Variants in NRG3 observed in about 807,000 individuals in gnomAD.
NRG3 encodes the protein pro-neuregulin-3, membrane-bound isoform.
NRG3 carries 31 observed loss-of-function variants against 66.9 expected under a neutral mutation model. The ratio of observed to expected loss-of-function variants is 0.46; its 90% CI spans 0.35 to 0.63. The LOEUF (loss-of-function observed/expected upper bound fraction) is 0.63, where lower values mean the gene tolerates loss of function less well. Among genes scored for constraint, NRG3 ranks in the 20% least tolerant of loss-of-function variants. NRG3 has a pLI of 0.00. For missense variants in NRG3, 910 were observed against 878.9 expected (o/e 1.04, Z -0.45); for synonymous variants, 393 against 359.4 (o/e 1.09, Z -1.06).
intron 2 of NRG3, among the ~76,000 whole-genome samples, chr10:82,677,694 A>G (rs572669588): frequency 6.6e-6 from 1 of 152,278 alleles, no homozygotes; most frequent in South Asian, 2.1e-4. Context: ...AATTTGACCA[A>G]GGGGGTGTAA....
At chr10:81,974,271 C>T (rs2060035925) in intron 1 of NRG3, among the ~76,000 whole-genome samples, 1 of 152,008 alleles carries the variant, frequency 6.6e-6, no homozygotes, top group Non-Finnish European at 1.5e-5. Context: ...ATCTATGTGT[C>T]TCTTTTTTTA....
At chr10:82,002,948 T>G (rs147841613) in intron 1 of NRG3, among the ~76,000 whole-genome samples, 39 of 152,334 alleles carry the variant, frequency 2.6e-4, no homozygotes, top group Non-Finnish European at 4.9e-4. Flanking sequence ...CTAACTCACA[T>G]TTTGAAAAGA....
At chr10:82,011,771 C>G (rs2061586617) in intron 1 of NRG3, among the ~76,000 whole-genome samples, 2 of 152,290 alleles carry the variant, frequency 1.3e-5, no homozygotes, top group South Asian at 4.1e-4. Context: ...CCTTTGACTC[C>G]ATGTCTCACA....
chr10:82,577,563 T>C (rs1391472738), intron 2 of NRG3, among the ~76,000 whole-genome samples: 2 of 151,806 alleles, frequency 1.3e-5, no homozygotes, highest in Admixed American at 1.3e-4. Context: ...AGCTTGATCA[T>C]ATCAGAAGGA....
chr10:82,552,630 C>T (rs1007893510), intron 2 of NRG3, among the ~76,000 whole-genome samples: 2 of 152,132 alleles, frequency 1.3e-5, no homozygotes, highest in Non-Finnish European at 2.9e-5. Flanking sequence ...TGAGATAAAA[C>T]TGCAATAGAA....
At chr10:82,377,628 A>G (rs971341639) in intron 2 of NRG3, among the ~76,000 whole-genome samples, 1 of 152,156 alleles carries the variant, frequency 6.6e-6, no homozygotes, top group Non-Finnish European at 1.5e-5. Context: ...CAATGGCAGG[A>G]AGGGACACCA....
chr10:81,946,588 A>T (rs1848860421), intron 1 of NRG3, among the ~76,000 whole-genome samples: 1 of 152,094 alleles, frequency 6.6e-6, no homozygotes, highest in Admixed American at 6.6e-5. Context: ...GTTTTCTGTA[A>T]TCTGATTATA....
At chr10:82,553,704 A>G (rs1337016227) in intron 2 of NRG3, among the ~76,000 whole-genome samples, 1 of 152,146 alleles carries the variant, frequency 6.6e-6, no homozygotes, top group Non-Finnish European at 1.5e-5. Flanking sequence ...TAACTCACGG[A>G]AGTCTGAATG....
chr10:82,362,290 A>C (rs1299280429), intron 2 of NRG3, among the ~76,000 whole-genome samples: 4 of 150,754 alleles, frequency 2.7e-5, no homozygotes, highest in African/African-American at 9.7e-5. Flanking sequence ...AGAAATAGAG[A>C]AAATAGATTT....
At position 82,023,266 on chromosome 10, in the gene NRG3, G is replaced by A. The variant is rs539128423; in HGVS notation, c.823+147103G>A. On this transcript the variant is annotated intron_variant, in intron 1 of 8. Coordinates refer to ENST00000372141, the MANE Select transcript of NRG3 (RefSeq NM_001010848.4). ...CAGTTCTGCTAGTTTTTTTGGTGGAGTCTTTAAGTTTGTCTAAATATAATA... is the reference window on the plus strand; with the variant it reads ...CAGTTCTGCTAGTTTTTTTGGTGGAATCTTTAAGTTTGTCTAAATATAATA... Among the ~76,000 whole-genome samples, 106 of 152,066 alleles carry A rather than the reference G, an allele frequency of 7.0e-4. 1 individual carries two copies. The South Asian group carries it at 0.021, about 30-fold the overall frequency.
intron 2 of NRG3, among the ~76,000 whole-genome samples, chr10:82,587,520 G>A (rs992361346): frequency 3.3e-5 from 5 of 152,174 alleles, no homozygotes; most frequent in African/African-American, 1.2e-4. Flanking sequence ...ACTATCTGTA[G>A]TCTCTTAGAA....
intron 1 of NRG3, among the ~76,000 whole-genome samples, chr10:82,055,295 T>C (rs1472730095): frequency 2.6e-5 from 4 of 151,050 alleles, no homozygotes; most frequent in Non-Finnish European, 5.9e-5. Context: ...GCTAACACAG[T>C]GAAAACCCAT....
intron 2 of NRG3, among the ~76,000 whole-genome samples, chr10:82,711,564 T>A (rs1050428594): frequency 6.7e-4 from 94 of 140,894 alleles, no homozygotes; most frequent in African/African-American, 2.4e-3. Context: ...TGTGTGTGTG[T>A]GTGTGAGATG....
intron 2 of NRG3, among the ~76,000 whole-genome samples, chr10:82,392,899 T>TTC (rs2086478919): frequency 7.3e-6 from 1 of 136,280 alleles, no homozygotes; most frequent in African/African-American, 3.2e-5. Context: ...TATATATATA[T>TTC]TTTTTGCAGG....
At chr10:82,707,007 A>AT (rs1265466677) in intron 2 of NRG3, among the ~76,000 whole-genome samples, 2 of 116,022 alleles carry the variant, frequency 1.7e-5, no homozygotes, top group African/African-American at 6.6e-5. Flanking sequence ...AAAAAAAAAT[A>AT]AAATAAAATA....
chr10:82,783,762 C>T (rs1442809059), intron 3 of NRG3, among the ~76,000 whole-genome samples: 1 of 152,072 alleles, frequency 6.6e-6, no homozygotes. Context: ...GAATCAATAT[C>T]GTGAAAATGG....
intron 3 of NRG3, among the ~76,000 whole-genome samples, chr10:82,828,017 A>T (rs2062323387): frequency 6.6e-6 from 1 of 151,796 alleles, no homozygotes; most frequent in African/African-American, 2.4e-5. Context: ...CTCTGCCCCT[A>T]CTCTGAAGGG....
chr10:82,228,453 T>C (rs1764089), intron 1 of NRG3, among the ~76,000 whole-genome samples: 20,066 of 152,130 alleles, frequency 0.13, 1,568 homozygotes, highest in East Asian at 0.22. Context: ...AGAGAAAGCA[T>C]GTAATGCTTC....
In NRG3 at chr10:82,563,487, G is replaced by T. The variant is rs866517665; in HGVS notation, c.954-175090G>T. 3.3e-5 allele frequency among the ~76,000 whole-genome samples: 5 copies of T among 151,904 alleles called. 1 individual carries two copies. The Middle Eastern group carries it at 0.014, about 413-fold the overall frequency. On this transcript the variant is annotated intron_variant, in intron 2 of 8. Coordinates refer to ENST00000372141, the MANE Select transcript of NRG3 (RefSeq NM_001010848.4). The stretch of plus-strand genomic sequence containing the variant: ...CTCTGAGAGTCAGCCTGTTCCCTGA[G>T]ATTTTTTCTAATTTTTTATACCCAG...
Sources: allele counts gnomAD v4.1 joint callset (sites outside exome capture counted in the v4.1 genomes callset), GRCh38; gene constraint gnomAD v4.1.1; transcripts MANE v1.5; gene names NCBI Gene and HGNC (gene_info 2026-07-23, HGNC 2026-07-21).